Variants in UBAC2 observed in about 807,000 individuals in gnomAD.
UBAC2 encodes ubiquitin-associated domain-containing protein 2.
UBAC2 carries 26 observed loss-of-function variants against 44.0 expected under a neutral mutation model. The observed-to-expected ratio is 0.59, with a 90% CI of 0.43 to 0.82. The LOEUF is 0.82. UBAC2 is among the 40% of genes least tolerant of loss of function. The probability of loss-of-function intolerance (pLI) is 0.00; values close to 1 mark genes in which losing one functional copy is unlikely to be tolerated. For synonymous variants in UBAC2, 155 were observed against 154.3 expected (o/e 1.00, Z -0.04); for missense variants, 329 against 419.4 (o/e 0.78, Z 1.88).
rs372858987 is a variant in UBAC2, at chr13:99,239,863, A to T, written c.159+1309A>T. ...CGTGATCTGTAGGTCACAGGTGTAC[A>T]TGACATCCTTGGGGGGTGATCAAGG... On this transcript the variant is annotated intron_variant, in intron 2 of 8. Transcript: ENST00000403766. Among the ~76,000 whole-genome samples, 5 of 152,314 alleles carry T rather than the reference A, an allele frequency of 3.3e-5. No homozygotes were observed. The East Asian group carries it at 9.6e-4, about 29-fold the overall frequency.
intron 7 of UBAC2, chr13:99,356,224 T>C (rs200647652): frequency 5.6e-6 from 3 of 533,182 alleles, no homozygotes; most frequent in African/African-American, 1.9e-5. Flanking sequence ...TCTTTGCACC[T>C]TCTGTCCTCA....
chr13:99,370,846 C>T (rs961451234), intron 8 of UBAC2, among the ~76,000 whole-genome samples: 1 of 152,204 alleles, frequency 6.6e-6, no homozygotes, highest in African/African-American at 2.4e-5. Context: ...TCTTCTACCT[C>T]CACTAGAGAA....
intron 8 of UBAC2, among the ~76,000 whole-genome samples, chr13:99,368,114 G>A (rs1238947183): frequency 1.3e-5 from 2 of 152,062 alleles, no homozygotes; most frequent in Non-Finnish European, 2.9e-5. Flanking sequence ...TTGGGGGGCG[G>A]CGGGTGGGAA....
intron 4 of UBAC2, among the ~76,000 whole-genome samples, chr13:99,285,788 G>T (rs952411116): frequency 1.3e-5 from 2 of 152,126 alleles, no homozygotes; most frequent in Admixed American, 1.3e-4. Flanking sequence ...TCCCTTGCCT[G>T]GAGTTCTGGA....
At chr13:99,320,280 C>T (rs962245019) in intron 6 of UBAC2, among the ~76,000 whole-genome samples, 3 of 151,920 alleles carry the variant, frequency 2.0e-5, no homozygotes, top group Non-Finnish European at 4.4e-5. Context: ...TAGTCTTTTC[C>T]GGTACACATG....
intron 5 of UBAC2, among the ~76,000 whole-genome samples, chr13:99,317,607 G>GAGAAAGTT (rs1261318105): frequency 1.3e-5 from 2 of 152,306 alleles, no homozygotes; most frequent in Admixed American, 6.5e-5. Context: ...AAATTAAAAT[G>GAGAAAGTT]AGAAAGTTAT....
At chr13:99,315,667 G>A (rs2044479017) in intron 5 of UBAC2, among the ~76,000 whole-genome samples, 1 of 152,108 alleles carries the variant, frequency 6.6e-6, no homozygotes, top group Non-Finnish European at 1.5e-5. Flanking sequence ...CTACCTTACA[G>A]AGGTATTTTA....
chr13:99,208,079 C>CCT (rs1033609100), intron 1 of UBAC2, among the ~76,000 whole-genome samples: 1 of 151,016 alleles, frequency 6.6e-6, no homozygotes, highest in African/African-American at 2.4e-5. Flanking sequence ...CTCACTGCAG[C>CCT]CTCTGCCTCC....
At chr13:99,290,058 TGAA>T (rs1566487019) in intron 4 of UBAC2, among the ~76,000 whole-genome samples, 1 of 152,166 alleles carries the variant, frequency 6.6e-6, no homozygotes, top group Non-Finnish European at 1.5e-5. Flanking sequence ...AATACGATGA[TGAA>T]GAGTGCAGAC....
chr13:99,218,546 C>T (rs1223389860), intron 1 of UBAC2, among the ~76,000 whole-genome samples: 1 of 150,072 alleles, frequency 6.7e-6, no homozygotes, highest in African/African-American at 2.5e-5. Context: ...GCTTATTTTC[C>T]TGATAAACTG....
intron 4 of UBAC2, among the ~76,000 whole-genome samples, chr13:99,257,805 T>G (rs1163094233): frequency 1.3e-5 from 2 of 152,204 alleles, no homozygotes; most frequent in African/African-American, 4.8e-5. Context: ...TTTTCTTTCC[T>G]TAAGTTGAAA....
intron 6 of UBAC2, among the ~76,000 whole-genome samples, chr13:99,335,304 A>G (rs1159949859): frequency 6.6e-6 from 1 of 151,880 alleles, no homozygotes; most frequent in Non-Finnish European, 1.5e-5. Context: ...TAATGCTGAT[A>G]TACACCCTAT....
At chr13:99,218,660 G>A (rs988561710) in intron 1 of UBAC2, among the ~76,000 whole-genome samples, 1 of 152,176 alleles carries the variant, frequency 6.6e-6, no homozygotes, top group Non-Finnish European at 1.5e-5. Flanking sequence ...AGTGTGGCAG[G>A]TGTCCAGTGT....
At chr13:99,303,641 G>T (rs1594107013) in intron 4 of UBAC2, among the ~76,000 whole-genome samples, 1 of 152,144 alleles carries the variant, frequency 6.6e-6, no homozygotes, top group African/African-American at 2.4e-5. Context: ...AATATAAAAA[G>T]GCTCTTTATA....
chr13:99,351,805 C>T, intron 7 of UBAC2: 1 of 456,476 alleles, frequency 2.2e-6, no homozygotes, highest in African/African-American at 2.0e-5. Flanking sequence ...GTCCTTGGTG[C>T]TCTTCTTTTA....
chr13:99,233,397 C>T (rs1055892145), intron 1 of UBAC2, among the ~76,000 whole-genome samples: 1 of 152,164 alleles, frequency 6.6e-6, no homozygotes, highest in African/African-American at 2.4e-5. Flanking sequence ...AGGCATGAGC[C>T]ACTGCACCCG....
At chr13:99,352,861 C>T (rs566263928) in intron 7 of UBAC2, among the ~76,000 whole-genome samples, 12 of 152,274 alleles carry the variant, frequency 7.9e-5, no homozygotes, top group African/African-American at 2.9e-4. Flanking sequence ...GCAGCACCGT[C>T]GGAAACTCTC....
At chr13:99,226,469 CA>C (rs1308278185) in intron 1 of UBAC2, among the ~76,000 whole-genome samples, 2 of 152,204 alleles carry the variant, frequency 1.3e-5, no homozygotes, top group Admixed American at 1.3e-4. Context: ...GATTCCCTAA[CA>C]GCCTTCTAAC....
chr13:99,292,431 T>C (rs6491495), intron 4 of UBAC2, among the ~76,000 whole-genome samples: 2 of 151,876 alleles, frequency 1.3e-5, no homozygotes, highest in African/African-American at 4.8e-5. Flanking sequence ...CATGAGCCAC[T>C]GCGCCCAGCT....
Sources: allele counts gnomAD v4.1 joint callset (sites outside exome capture counted in the v4.1 genomes callset), GRCh38; gene constraint gnomAD v4.1.1; transcripts MANE v1.5; gene names NCBI Gene and HGNC (gene_info 2026-07-23, HGNC 2026-07-21).